The following MORN5 variants were observed in gnomAD, a reference collection of about 807,000 sequenced individuals.
MORN5 encodes the protein MORN repeat containing 5, also known as MORN repeat-containing protein 5.
A neutral mutation model predicts 22.1 loss-of-function variants in MORN5; 21 were observed. That is an observed-to-expected ratio of 0.95 (90% CI 0.67 to 1.37). The LOEUF (loss-of-function observed/expected upper bound fraction) is 1.37, where lower values mean the gene tolerates loss of function less well. MORN5 is among the 40% of genes most tolerant of loss of function. The pLI is 0.00. For missense variants in MORN5, 211 were observed against 215.1 expected (o/e 0.98, Z 0.12); for synonymous variants, 73 against 74.0 (o/e 0.99, Z 0.07).
intron 3 of MORN5, 67 bp from the exon 4 acceptor site, chr9:122,174,429 C>A: frequency 6.3e-7 from 1 of 1,581,880 alleles, no homozygotes. Context: ...ACAAGTGGAC[C>A]TTATGGGAAC....
At chr9:122,195,968 A>ATATTTATTTATT (rs55879917) in intron 4 of MORN5, among the ~76,000 whole-genome samples, 4,726 of 147,550 alleles carry the variant, frequency 0.032, 240 homozygotes, top group African/African-American at 0.098. Flanking sequence ...ATTTTGTTTT[A>ATATTTATTTATT]TATTTATTTA....
chr9:122,192,850 G>A (rs1186957572), intron 4 of MORN5, among the ~76,000 whole-genome samples: 2 of 152,204 alleles, frequency 1.3e-5, no homozygotes, highest in South Asian at 2.1e-4. Flanking sequence ...TGCCCAGGGT[G>A]GGGAAGAAAT....
chr9:122,168,669 T>C (rs1198669195), intron 2 of MORN5, among the ~76,000 whole-genome samples: 1 of 152,176 alleles, frequency 6.6e-6, no homozygotes, highest in Non-Finnish European at 1.5e-5. Flanking sequence ...AAAGGCAGAA[T>C]GTATGTGTTT....
At chr9:122,171,231 A>G (rs1053977788) in intron 3 of MORN5, among the ~76,000 whole-genome samples, 34 of 152,208 alleles carry the variant, frequency 2.2e-4, no homozygotes, top group African/African-American at 8.2e-4. Context: ...AGAAGCCTCC[A>G]GGAAGCACTC....
intron 3 of MORN5, 44 bp from the exon 4 acceptor site, chr9:122,174,452 T>A: frequency 6.2e-7 from 1 of 1,605,714 alleles, no homozygotes; most frequent in Non-Finnish European, 8.5e-7. Context: ...TGGGTTTGGA[T>A]TTGGCCTTCA....
At chr9:122,181,155 C>T (rs762155662) in intron 4 of MORN5, among the ~76,000 whole-genome samples, 6 of 152,224 alleles carry the variant, frequency 3.9e-5, no homozygotes, top group South Asian at 2.1e-4. Flanking sequence ...CAGGACAAAT[C>T]TGGTTGCAGT....
intron 4 of MORN5, among the ~76,000 whole-genome samples, chr9:122,178,445 G>A (rs895126942): frequency 1.3e-5 from 2 of 152,040 alleles, no homozygotes; most frequent in East Asian, 1.9e-4. Context: ...GCCGAGATCC[G>A]CCACTGCACT....
intron 4 of MORN5, among the ~76,000 whole-genome samples, chr9:122,191,121 C>T (rs567843012): frequency 6.6e-6 from 1 of 152,342 alleles, no homozygotes; most frequent in Admixed American, 6.5e-5. Flanking sequence ...TGGGCTGTCT[C>T]TGTGGGTTGG....
intron 1 of MORN5, among the ~76,000 whole-genome samples, chr9:122,165,080 G>A (rs561668715): frequency 6.6e-6 from 1 of 152,264 alleles, no homozygotes; most frequent in Admixed American, 6.5e-5. Context: ...TACACATCCC[G>A]ACAGAGGTAT....
chr9:122,169,698 C>T lies in MORN5; in HGVS notation c.249C>T (p.Tyr83=), dbSNP rs988827271. 6.2e-7 allele frequency: 1 copy of T among 1,614,170 alleles called. No homozygotes were observed. The highest frequency in any genetic ancestry group is 8.5e-7 in the Non-Finnish European group (1 of 1,180,024). Residue 83 remains tyrosine, a synonymous_variant, in exon 3 of 5, where the codon TAC becomes TAT. Coordinates refer to ENST00000373764, the MANE Select transcript of MORN5 (RefSeq NM_198469.4). The part of the protein sequence containing the change: ...GLHYDEKNWH[Y]CDGYDRRFYT... ...ACTATGATGAGAAAAACTGGCATTACTGCGACGGCTATGATCGGAGGTTTT... is the reference window on the plus strand; with the variant it reads ...ACTATGATGAGAAAAACTGGCATTATTGCGACGGCTATGATCGGAGGTTTT...
intron 3 of MORN5, among the ~76,000 whole-genome samples, chr9:122,170,014 A>G (rs1829343028): frequency 6.6e-6 from 1 of 152,204 alleles, no homozygotes; most frequent in African/African-American, 2.4e-5. Flanking sequence ...AATGGAGTCA[A>G]TCAGCTGGGC....
At chr9:122,189,866 A>G (rs1309066417) in intron 4 of MORN5, among the ~76,000 whole-genome samples, 2 of 152,294 alleles carry the variant, frequency 1.3e-5, no homozygotes, top group East Asian at 3.9e-4. Flanking sequence ...TCGGCCTCCC[A>G]AAGTGCTAGG....
At chr9:122,193,139 T>G (rs1829808180) in intron 4 of MORN5, among the ~76,000 whole-genome samples, 1 of 152,124 alleles carries the variant, frequency 6.6e-6, no homozygotes, top group African/African-American at 2.4e-5. Context: ...TCATGGGGCC[T>G]TTAAGTATGG....
intron 1 of MORN5, among the ~76,000 whole-genome samples, chr9:122,163,564 A>C (rs1287398596): frequency 6.6e-6 from 1 of 152,148 alleles, no homozygotes; most frequent in Non-Finnish European, 1.5e-5. Flanking sequence ...TTTTTCTAGA[A>C]GTTTTTAGGC....
intron 4 of MORN5, among the ~76,000 whole-genome samples, chr9:122,191,142 GCT>G (rs1469612780): frequency 1.3e-5 from 2 of 152,204 alleles, no homozygotes; most frequent in Non-Finnish European, 2.9e-5. Context: ...AAGTGCCTCT[GCT>G]CTCTGCACGT....
At chr9:122,184,918 C>T (rs1450222223) in intron 4 of MORN5, among the ~76,000 whole-genome samples, 1 of 152,182 alleles carries the variant, frequency 6.6e-6, no homozygotes, top group Non-Finnish European at 1.5e-5. Context: ...AAAGAAAGAA[C>T]CGAGGGCCTG....
intron 4 of MORN5, among the ~76,000 whole-genome samples, chr9:122,187,382 G>A (rs1221973693): frequency 1.3e-5 from 2 of 152,162 alleles, no homozygotes; most frequent in African/African-American, 2.4e-5. Flanking sequence ...TGTTACGGAC[G>A]TGTCCCCATC....
In MORN5 at chr9:122,159,940, G is replaced by C. The variant is rs564775434; in HGVS notation, c.-33G>C. On this transcript the variant is annotated 5_prime_UTR_variant, in exon 1 of 5. Coordinates refer to ENST00000373764, the MANE Select transcript of MORN5 (RefSeq NM_198469.4). ...TGATGCCGTATCCACTGAGACTCCG[G>C]ATCCTAACAGCTGGAAGCTAAAAAC... is the stretch of plus-strand genomic sequence containing the variant. 46 of 1,611,242 alleles carry C rather than the reference G, an allele frequency of 2.9e-5. No homozygotes were observed. In the South Asian group the frequency reaches 4.2e-4, roughly 15 times the overall value.
In MORN5 at chr9:122,181,290, C is replaced by A. The variant is rs7860602; in HGVS notation, c.439+6663C>A. On this transcript the variant is annotated intron_variant, in intron 4 of 4. Transcript: ENST00000373764. Reference sequence around the variant, plus strand: ...TAGCAGCATCAGTCATTTCTGGTACCCGCCTTAAAGCCTTTGAGCTCCGGG... The same window carrying A: ...TAGCAGCATCAGTCATTTCTGGTACACGCCTTAAAGCCTTTGAGCTCCGGG... 9.6e-3 allele frequency among the ~76,000 whole-genome samples: 1,465 copies of A among 152,286 alleles called. 19 individuals carry two copies. The highest frequency in any genetic ancestry group is 0.032 in the African/African-American group (1,338 of 41,548).
Sources: gnomAD v4.1 joint callset for allele counts (sites outside exome capture counted in the v4.1 genomes callset) on GRCh38, gnomAD v4.1.1 for gene constraint, MANE v1.5 for transcripts, NCBI Gene and HGNC (gene_info 2026-07-23, HGNC 2026-07-21) for gene names.